Variants in FSTL5 observed in about 807,000 individuals in gnomAD.
FSTL5 encodes the protein follistatin like 5, also known as follistatin-related protein 5.
FSTL5 carries 62 observed loss-of-function variants against 89.1 expected under a neutral mutation model. The observed-to-expected ratio is 0.70, with a 90% confidence interval of 0.57 to 0.86. FSTL5 has a LOEUF of 0.86. Among genes scored for constraint, FSTL5 ranks in the 40% least tolerant of loss-of-function variants. The pLI, the probability that FSTL5 is intolerant of heterozygous loss-of-function variation, is 0.00. For synonymous variants in FSTL5, 383 were observed against 346.2 expected (o/e 1.11, Z -1.18); for missense variants, 1,057 against 1,001.6 (o/e 1.06, Z -0.75).
intron 7 of FSTL5, among the ~76,000 whole-genome samples, chr4:161,654,314 T>A (rs905342085): frequency 2.0e-5 from 3 of 152,020 alleles, no homozygotes; most frequent in Non-Finnish European, 4.4e-5. Flanking sequence ...CACCCTCAAA[T>A]ACACTGGGCC....
chr4:161,629,689 T>C (rs1209263637), intron 7 of FSTL5, among the ~76,000 whole-genome samples: 2 of 152,032 alleles, frequency 1.3e-5, no homozygotes, highest in East Asian at 3.9e-4. Flanking sequence ...GGGAAGAAAA[T>C]GGGATTTTTT....
intron 15 of FSTL5, among the ~76,000 whole-genome samples, chr4:161,413,622 CA>C (rs1390009084): frequency 6.6e-6 from 1 of 152,072 alleles, no homozygotes; most frequent in African/African-American, 2.4e-5. Flanking sequence ...GACATGAACT[CA>C]TATGTTTATT....
intron 11 of FSTL5, among the ~76,000 whole-genome samples, chr4:161,507,546 C>G (rs1325325495): frequency 6.6e-6 from 1 of 151,622 alleles, no homozygotes; most frequent in Non-Finnish European, 1.5e-5. Flanking sequence ...CCAATGTTTT[C>G]AATGTGTTTT....
chr4:161,934,844 A>G (rs552981862), intron 3 of FSTL5, among the ~76,000 whole-genome samples: 6 of 152,036 alleles, frequency 3.9e-5, no homozygotes, highest in Non-Finnish European at 5.9e-5. Flanking sequence ...TTATTATTTT[A>G]TTTCATTCTA....
At chr4:161,488,007 A>G (rs958824903) in intron 12 of FSTL5, among the ~76,000 whole-genome samples, 3 of 152,036 alleles carry the variant, frequency 2.0e-5, no homozygotes, top group African/African-American at 7.2e-5. Flanking sequence ...AATATGCTAG[A>G]TATAAAGTTC....
intron 4 of FSTL5, among the ~76,000 whole-genome samples, chr4:161,875,596 G>A (rs1478089819): frequency 1.3e-5 from 2 of 152,140 alleles, no homozygotes; most frequent in African/African-American, 2.4e-5. Context: ...GGTCGGGTCC[G>A]CTCGCACACT....
chr4:162,071,174 TA>T (rs200500939), intron 2 of FSTL5, among the ~76,000 whole-genome samples: 2,000 of 151,526 alleles, frequency 0.013, 42 homozygotes, highest in African/African-American at 0.045. Context: ...TTCCTCCAAT[TA>T]AAAAATATAG....
chr4:161,916,036 AG>A (rs1464991395), intron 4 of FSTL5, among the ~76,000 whole-genome samples: 1 of 152,124 alleles, frequency 6.6e-6, no homozygotes, highest in African/African-American at 2.4e-5. Flanking sequence ...AAAAGAAAAA[AG>A]TCAGGTAAAA....
chr4:161,467,284 A>G (rs1414530868), intron 13 of FSTL5, among the ~76,000 whole-genome samples: 1 of 152,124 alleles, frequency 6.6e-6, no homozygotes, highest in African/African-American at 2.4e-5. Context: ...GCCTCTGTAT[A>G]ATATACTCAG....
chr4:161,496,789 G>GATAGAA lies in FSTL5; in HGVS notation c.1458+3226_1458+3227insTTCTAT, dbSNP rs774103969. 6.8e-3 allele frequency among the ~76,000 whole-genome samples: 946 copies of GATAGAA among 139,724 alleles called. 7 individuals carry two copies. The highest frequency in any genetic ancestry group is 0.01 in the Middle Eastern group (3 of 292). 91.7% of individuals were successfully genotyped at this position (139,724 alleles called of 152,430 possible). ...TATATAGGAGATAGATAGAGAAAAA[G>GATAGAA]ATAGAGATAGAGATAGAGATAGAGA... On this transcript the variant is annotated intron_variant, in intron 12 of 15. Transcript: ENST00000306100.
rs1739115606 is a variant in FSTL5 at position 161,719,488 on chromosome 4, T to C, written c.727+39923A>G. ...TTGCTTTGGCTATTTAGGAAATTTT[T>C]AGAATAGTGTTTTCTATTTCTGTAA... is the stretch of plus-strand genomic sequence containing the variant. On this transcript the variant is annotated intron_variant, in intron 6 of 15. Coordinates refer to ENST00000306100, the MANE Select transcript of FSTL5 (RefSeq NM_020116.5). Among the ~76,000 whole-genome samples the C allele has an allele frequency of 2.6e-5, 4 of 152,214 alleles. No individual in the cohort carries two copies. In the South Asian group the frequency reaches 6.2e-4, roughly 24 times the overall value.
At position 162,144,970 on chromosome 4, in the gene FSTL5, A is replaced by T. The variant is rs531490677; in HGVS notation, c.-17+18645T>A. On this transcript the variant is annotated intron_variant, in intron 1 of 15. Transcript: ENST00000306100. ...TTCCATATTATACAATTCATTATACAATGAATACAATATATATTCATTGTA... is the reference window on the plus strand; with the variant it reads ...TTCCATATTATACAATTCATTATACTATGAATACAATATATATTCATTGTA... 1.1e-3 allele frequency among the ~76,000 whole-genome samples: 161 copies of T among 148,986 alleles called. 7 individuals carry two copies. The South Asian group carries it at 0.032, about 30-fold the overall frequency.
At chr4:161,443,398 T>C (rs1732841462) in intron 15 of FSTL5, among the ~76,000 whole-genome samples, 1 of 152,042 alleles carries the variant, frequency 6.6e-6, no homozygotes. Context: ...AATCACACTG[T>C]AGTAAGCGGC....
intron 4 of FSTL5, among the ~76,000 whole-genome samples, chr4:161,804,714 A>G (rs1237898601): frequency 1.3e-5 from 2 of 152,078 alleles, no homozygotes; most frequent in African/African-American, 4.8e-5. Context: ...AAAAAGATTA[A>G]TCATGTATTC....
intron 3 of FSTL5, among the ~76,000 whole-genome samples, chr4:162,031,232 A>G (rs1439720571): frequency 6.6e-6 from 1 of 152,194 alleles, no homozygotes; most frequent in African/African-American, 2.4e-5. Context: ...CACAGAATGC[A>G]GAAAATAAGA....
intron 7 of FSTL5, among the ~76,000 whole-genome samples, chr4:161,597,587 C>A (rs1029209049): frequency 6.6e-6 from 1 of 151,498 alleles, no homozygotes; most frequent in Non-Finnish European, 1.5e-5. Flanking sequence ...ATGTGACAAA[C>A]CTGCACGTTG....
intron 3 of FSTL5, among the ~76,000 whole-genome samples, chr4:161,926,410 T>C (rs1734126250): frequency 1.1e-5 from 1 of 88,520 alleles, no homozygotes; most frequent in Middle Eastern, 6.2e-3. Flanking sequence ...TTTTTTTGTT[T>C]TGTTTTTTGT....
At chr4:161,924,289 A>G (rs1372462726) in intron 3 of FSTL5, among the ~76,000 whole-genome samples, 3 of 151,346 alleles carry the variant, frequency 2.0e-5, no homozygotes, top group Admixed American at 6.6e-5. Flanking sequence ...CAAGCAATAA[A>G]GCAAAATCAT....
intron 8 of FSTL5, among the ~76,000 whole-genome samples, chr4:161,554,274 G>C (rs2126561656): frequency 6.6e-6 from 1 of 151,384 alleles, no homozygotes; most frequent in Non-Finnish European, 1.5e-5. Flanking sequence ...ATTTCTCAAA[G>C]GCCCACAGCA....
Sources: gnomAD v4.1 joint callset for allele counts (sites outside exome capture counted in the v4.1 genomes callset) on GRCh38, gnomAD v4.1.1 for gene constraint, MANE v1.5 for transcripts, NCBI Gene and HGNC (gene_info 2026-07-23, HGNC 2026-07-21) for gene names.